TMEM132B: variants seen among roughly 807,000 people sequenced by gnomAD.
TMEM132B encodes transmembrane protein 132B.
TMEM132B carries 18 observed loss-of-function variants against 90.8 expected under a neutral mutation model. The observed-to-expected ratio is 0.20, with a 90% CI of 0.14 to 0.29. TMEM132B has a LOEUF of 0.29. TMEM132B is among the 10% of genes least tolerant of loss of function. TMEM132B has a pLI of 1.00. For missense variants in TMEM132B, 1,096 were observed against 1,326.8 expected (o/e 0.83, Z 2.70); for synonymous variants, 504 against 523.3 (o/e 0.96, Z 0.50).
intron 3 of TMEM132B, among the ~76,000 whole-genome samples, chr12:125,480,574 C>A (rs1882012476): frequency 6.6e-6 from 1 of 152,182 alleles, no homozygotes; most frequent in African/African-American, 2.4e-5. Context: ...AGTTGAATTG[C>A]TGAATAGACC....
At chr12:125,584,414 C>A (rs184445560) in intron 5 of TMEM132B, 1 of 176,338 alleles carries the variant, frequency 5.7e-6, no homozygotes, top group African/African-American at 2.4e-5. Flanking sequence ...TTGCTTCTTT[C>A]GGGTAGCCAG....
At chr12:125,461,760 C>T (rs191597129) in intron 3 of TMEM132B, among the ~76,000 whole-genome samples, 394 of 152,352 alleles carry the variant, frequency 2.6e-3, no homozygotes, top group Admixed American at 5.3e-3. Flanking sequence ...CAAATCTCAT[C>T]CCAGTCCTTA....
At chr12:125,375,590 C>A (rs569833338) in intron 2 of TMEM132B, among the ~76,000 whole-genome samples, 1 of 152,306 alleles carries the variant, frequency 6.6e-6, no homozygotes, top group African/African-American at 2.4e-5. Flanking sequence ...AGTGAGTGTC[C>A]TGGATGGGCG....
intron 2 of TMEM132B, among the ~76,000 whole-genome samples, chr12:125,356,791 T>C (rs1355778243): frequency 6.6e-6 from 1 of 152,220 alleles, no homozygotes. Context: ...CCACCCCCTT[T>C]TTGGCCTTTA....
At chr12:125,377,011 G>A (rs889437677) in intron 2 of TMEM132B, among the ~76,000 whole-genome samples, 2 of 152,216 alleles carry the variant, frequency 1.3e-5, no homozygotes, top group African/African-American at 4.8e-5. Context: ...AGGGCAGGCT[G>A]GTAAAATGCA....
At chr12:125,300,051 G>C (rs1490626971) in intron 1 of TMEM132B, among the ~76,000 whole-genome samples, 2 of 152,218 alleles carry the variant, frequency 1.3e-5, no homozygotes, top group Admixed American at 1.3e-4. Context: ...CGCCACGGGG[G>C]CTTTGCACTC....
chr12:125,331,726 C>T (rs772765135), intron 1 of TMEM132B, among the ~76,000 whole-genome samples: 1 of 152,316 alleles, frequency 6.6e-6, no homozygotes, highest in East Asian at 1.9e-4. Flanking sequence ...GTTTTTGAAT[C>T]TATAAAATGG....
chr12:125,205,961 C>T (rs766943242), intron 1 of TMEM132B, among the ~76,000 whole-genome samples: 16 of 152,114 alleles, frequency 1.1e-4, no homozygotes, highest in Non-Finnish European at 1.8e-4. Context: ...ATTAAGTCAC[C>T]GAAAATGCCT....
chr12:125,522,431 G>A (rs999045856), intron 4 of TMEM132B, among the ~76,000 whole-genome samples: 17 of 152,198 alleles, frequency 1.1e-4, no homozygotes, highest in African/African-American at 3.1e-4. Context: ...GCAGATACAG[G>A]GAGCAGCTGC....
intron 1 of TMEM132B, among the ~76,000 whole-genome samples, chr12:125,224,230 C>T (rs1282443125): frequency 6.6e-6 from 1 of 152,066 alleles, no homozygotes; most frequent in African/African-American, 2.4e-5. Context: ...GTTGTTTTTG[C>T]TCTTTGGCTA....
chr12:125,252,837 C>T (rs1874346235), intron 1 of TMEM132B, among the ~76,000 whole-genome samples: 1 of 152,176 alleles, frequency 6.6e-6, no homozygotes, highest in African/African-American at 2.4e-5. Flanking sequence ...CCGGTCTGTG[C>T]ACTCGCTGGG....
At chr12:125,450,317 T>TA (rs886308403) in intron 3 of TMEM132B, among the ~76,000 whole-genome samples, 2 of 151,806 alleles carry the variant, frequency 1.3e-5, no homozygotes, top group Non-Finnish European at 2.9e-5. Context: ...ATTAGGAAGA[T>TA]AAAAAAAATG....
intron 5 of TMEM132B, among the ~76,000 whole-genome samples, chr12:125,612,625 A>G (rs1370750733): frequency 7.0e-6 from 1 of 143,864 alleles, no homozygotes; most frequent in Non-Finnish European, 1.5e-5. Context: ...TAATGTTACT[A>G]GACAACAGTA....
intron 4 of TMEM132B, among the ~76,000 whole-genome samples, chr12:125,527,999 G>A (rs16919191): frequency 5.0e-4 from 76 of 152,244 alleles, no homozygotes; most frequent in African/African-American, 1.4e-3. Flanking sequence ...TTCAAAAACC[G>A]CTTCTTGAAA....
At chr12:125,597,218 T>A (rs934747106) in intron 5 of TMEM132B, among the ~76,000 whole-genome samples, 1 of 152,238 alleles carries the variant, frequency 6.6e-6, no homozygotes, top group Non-Finnish European at 1.5e-5. Context: ...TTACTTGGTC[T>A]TAAAGTATCT....
chr12:125,648,752 T>C (rs894730577), intron 6 of TMEM132B, among the ~76,000 whole-genome samples: 1 of 152,218 alleles, frequency 6.6e-6, no homozygotes, highest in Non-Finnish European at 1.5e-5. Flanking sequence ...GGTGTTCTTC[T>C]TAAATTTTAC....
chr12:125,474,090 CCTTTCCTTCCTTT>C (rs1881800916), intron 3 of TMEM132B, among the ~76,000 whole-genome samples: 1 of 139,330 alleles, frequency 7.2e-6, no homozygotes, highest in Non-Finnish European at 1.5e-5. Context: ...CCTTTCCTTT[CCTTTCCTTCCTTT>C]CTTCCGTCTT....
Position 125,507,884 on chromosome 12 carries a change from G to C in TMEM132B, c.1107-11555G>C, listed in dbSNP as rs1316352277. ...GAGAGAAGAGAGTGTGGGAGTGGTGGTGAGAGTGGACACAGAGAGATCAGG... is the reference window on the plus strand; with the variant it reads ...GAGAGAAGAGAGTGTGGGAGTGGTGCTGAGAGTGGACACAGAGAGATCAGG... On this transcript the variant is annotated intron_variant, in intron 3 of 8. Coordinates refer to ENST00000682704, the MANE Select transcript of TMEM132B (RefSeq NM_001366854.1). 2.0e-5 allele frequency among the ~76,000 whole-genome samples: 3 copies of C among 152,304 alleles called. No individual in the cohort carries two copies. The East Asian group carries it at 5.8e-4, about 29-fold the overall frequency.
At chr12:125,534,508 A>C (rs6489004) in intron 4 of TMEM132B, among the ~76,000 whole-genome samples, 93,666 of 151,980 alleles carry the variant, frequency 0.62, 28,987 homozygotes, top group East Asian at 0.81. Flanking sequence ...CAAAGCAAGA[A>C]CCTGTCTCAG....
Sources: gnomAD v4.1 joint callset for allele counts (sites outside exome capture counted in the v4.1 genomes callset) on GRCh38, gnomAD v4.1.1 for gene constraint, MANE v1.5 for transcripts, NCBI Gene and HGNC (gene_info 2026-07-23, HGNC 2026-07-21) for gene names.